ANK2: variants seen among roughly 807,000 people sequenced by gnomAD.
ANK2 encodes the protein ankyrin 2.
Under a neutral mutation model 360.5 loss-of-function variants are expected in ANK2, and 83 were observed. The ratio of observed to expected loss-of-function variants is 0.23; its 90% CI spans 0.19 to 0.28. ANK2 has a LOEUF of 0.28. Among genes scored for constraint, ANK2 ranks in the 10% least tolerant of loss-of-function variants. The pLI, the probability that ANK2 is intolerant of heterozygous loss-of-function variation, is 1.00. For missense variants in ANK2, 4,201 were observed against 4,795.7 expected (o/e 0.88, Z 3.66); for synonymous variants, 1,740 against 1,759.5 (o/e 0.99, Z 0.28).
At chr4:112,785,991 C>G in the ANK2 span, among the ~76,000 whole-genome samples, 1 of 151,986 alleles carries the variant, frequency 6.6e-6, no homozygotes, top group Non-Finnish European at 1.5e-5. Context: ...CAGGCACGTG[C>G]CACTATGCCT....
the ANK2 span, among the ~76,000 whole-genome samples, chr4:112,726,904 T>C: frequency 6.7e-6 from 1 of 149,746 alleles, no homozygotes; most frequent in Admixed American, 6.6e-5. Flanking sequence ...GTTTAAAAGG[T>C]ATGGAAATCA....
At chr4:112,827,578 C>G in intron 1 of ANK2, 1 of 1,048,258 alleles carries the variant, frequency 9.5e-7, no homozygotes, top group Non-Finnish European at 1.5e-6. Flanking sequence ...GAAATATTCT[C>G]GAGCTCTATA....
chr4:113,245,575 A>G (rs956539613), intron 9 of ANK2, among the ~76,000 whole-genome samples: 1 of 152,122 alleles, frequency 6.6e-6, no homozygotes, highest in African/African-American at 2.4e-5. Context: ...TAAAACCATC[A>G]GATCTCATGA....
chr4:113,231,435 A>G (rs1288910556), intron 4 of ANK2, among the ~76,000 whole-genome samples: 1 of 152,180 alleles, frequency 6.6e-6, no homozygotes, highest in Non-Finnish European at 1.5e-5. Context: ...TAAGGGTGCT[A>G]ACTAAACTCT....
intron 1 of ANK2, among the ~76,000 whole-genome samples, chr4:113,125,040 T>A (rs1051457273): frequency 6.6e-6 from 1 of 152,222 alleles, no homozygotes; most frequent in Non-Finnish European, 1.5e-5. Context: ...TGGTTAAGAC[T>A]AATGGTGTTA....
At chr4:113,322,344 C>G (rs2086747360) in intron 26 of ANK2, among the ~76,000 whole-genome samples, 1 of 152,200 alleles carries the variant, frequency 6.6e-6, no homozygotes, top group South Asian at 2.1e-4. Flanking sequence ...AAAAGAAAGA[C>G]TAACATTTGC....
At chr4:113,318,264 A>G (rs1165189014) in intron 25 of ANK2, among the ~76,000 whole-genome samples, 4 of 152,242 alleles carry the variant, frequency 2.6e-5, no homozygotes, top group Non-Finnish European at 5.9e-5. Context: ...GATTGGGTAT[A>G]GGGAAATAGA....
intron 2 of ANK2, among the ~76,000 whole-genome samples, chr4:113,017,434 A>C (rs1487051356): frequency 1.3e-5 from 2 of 152,118 alleles, no homozygotes; most frequent in Non-Finnish European, 1.5e-5. Context: ...TTTGAAGAAG[A>C]AGCTCTGCAA....
chr4:112,721,639 G>C, the ANK2 span, among the ~76,000 whole-genome samples: 1 of 151,690 alleles, frequency 6.6e-6, no homozygotes, highest in Admixed American at 6.6e-5. Flanking sequence ...CCAATTTGGA[G>C]TGTGGGAGAA....
At chr4:112,713,811 G>A in the ANK2 span, among the ~76,000 whole-genome samples, 5 of 151,838 alleles carry the variant, frequency 3.3e-5, no homozygotes, top group African/African-American at 1.2e-4. Flanking sequence ...GCAGGCGCCT[G>A]TAGTCCCAGC....
chr4:112,987,051 T>C (rs1351336705), intron 2 of ANK2, among the ~76,000 whole-genome samples: 2 of 152,168 alleles, frequency 1.3e-5, no homozygotes, highest in African/African-American at 4.8e-5. Flanking sequence ...ACAAAAAAAA[T>C]TTCATAATGT....
At chr4:112,813,113 C>T (rs2055421530), upstream of ANK2, among the ~76,000 whole-genome samples, 2 of 151,874 alleles carry the variant, frequency 1.3e-5, no homozygotes, top group African/African-American at 4.8e-5. Context: ...TGGCATGCAC[C>T]TGTAGTCCCA....
intron 2 of ANK2, among the ~76,000 whole-genome samples, chr4:112,954,671 G>A (rs2095247915): frequency 6.6e-6 from 1 of 152,004 alleles, no homozygotes; most frequent in Admixed American, 6.6e-5. Context: ...AATAAGAATA[G>A]CAAAATATAA....
intron 2 of ANK2, among the ~76,000 whole-genome samples, chr4:112,929,916 G>T (rs557491946): frequency 3.0e-4 from 45 of 152,246 alleles, no homozygotes; most frequent in African/African-American, 1.1e-3. Flanking sequence ...CTATGCCCAG[G>T]TTACGAGTAG....
At chr4:113,278,206 C>T (rs182378119) in intron 16 of ANK2, among the ~76,000 whole-genome samples, 4 of 152,278 alleles carry the variant, frequency 2.6e-5, no homozygotes, top group Admixed American at 2.6e-4. Flanking sequence ...TGTAGTATTT[C>T]TTACATAGCA....
chr4:112,748,509 A>AT, the ANK2 span, among the ~76,000 whole-genome samples: 6 of 152,144 alleles, frequency 3.9e-5, no homozygotes, highest in African/African-American at 1.4e-4. Context: ...CCTTTACCTG[A>AT]TTTTTTTCTA....
chr4:113,079,229 T>C (rs922422865), intron 1 of ANK2, among the ~76,000 whole-genome samples: 2 of 152,200 alleles, frequency 1.3e-5, no homozygotes, highest in South Asian at 2.1e-4. Context: ...AGTGTTTTAT[T>C]ATGCTCTTTG....
intron 13 of ANK2, among the ~76,000 whole-genome samples, chr4:113,262,374 G>C (rs1022083243): frequency 3.3e-5 from 5 of 152,064 alleles, no homozygotes; most frequent in African/African-American, 9.7e-5. Context: ...CTACAGGCAT[G>C]CACCACTATG....
At position 112,824,760 on chromosome 4, in the gene ANK2, T is replaced by C. The variant is rs1343099192; in HGVS notation, c.-40+6496T>C. 2.6e-5 allele frequency among the ~76,000 whole-genome samples: 4 copies of C among 151,726 alleles called. No individual in the cohort carries two copies. The South Asian group carries it at 6.3e-4, about 24-fold the overall frequency. The stretch of plus-strand genomic sequence containing the variant: ...CAGGTGATCTACCCACCTCGGCCTC[T>C]CAAAGTGCTGGGATTATAGGTGTGA... On this transcript the variant is annotated intron_variant, in intron 1 of 30. Coordinates refer to the ANK2 transcript ENST00000503271.
Sources: allele counts gnomAD v4.1 joint callset (sites outside exome capture counted in the v4.1 genomes callset), GRCh38; gene constraint gnomAD v4.1.1; transcripts MANE v1.5; gene names NCBI Gene and HGNC (gene_info 2026-07-23, HGNC 2026-07-21).